LRRC52: variants seen among roughly 807,000 people sequenced by gnomAD.
The protein encoded by LRRC52 is leucine-rich repeat-containing protein 52.
In LRRC52, 15 loss-of-function variants were observed where a neutral mutation model predicts 14.7. That is an observed-to-expected ratio of 1.02 (90% CI 0.68 to 1.58). The LOEUF is 1.58. Ranked by LOEUF, LRRC52 falls within the 40% of genes most tolerant of loss-of-function variation. The probability of loss-of-function intolerance (pLI) is 0.00; values close to 1 mark genes in which losing one functional copy is unlikely to be tolerated. For missense variants in LRRC52, 400 were observed against 387.7 expected, an observed-to-expected ratio of 1.03 and a Z score of -0.27; for synonymous variants, 180 against 163.9, an observed-to-expected ratio of 1.10 and a Z score of -0.75.
intron 1 of LRRC52, among the ~76,000 whole-genome samples, chr1:165,546,896 T>C (rs1319386914): frequency 6.6e-6 from 1 of 152,320 alleles, no homozygotes; most frequent in East Asian, 1.9e-4. Context: ...GAAAGGAGTG[T>C]CTATCTTGTC....
chr1:165,552,904 T>C (rs1661162460), intron 1 of LRRC52, among the ~76,000 whole-genome samples: 1 of 152,024 alleles, frequency 6.6e-6, no homozygotes, highest in Non-Finnish European at 1.5e-5. Flanking sequence ...GCTTGGACAG[T>C]GTGGGGGCTT....
At chr1:165,544,966 C>A in intron 1 of LRRC52, 48 bp downstream of exon 1, 1 of 1,591,462 alleles carries the variant, frequency 6.3e-7, no homozygotes, top group South Asian at 1.1e-5. Context: ...TGAAGTGGCT[C>A]CAGAAAAGGT....
At chr1:165,553,323 G>A (rs1661172387) in intron 1 of LRRC52, among the ~76,000 whole-genome samples, 1 of 152,200 alleles carries the variant, frequency 6.6e-6, no homozygotes, top group South Asian at 2.1e-4. Flanking sequence ...GGTCAGATAA[G>A]GACAGAAAAC....
intron 1 of LRRC52, among the ~76,000 whole-genome samples, chr1:165,555,750 T>G (rs762860187): frequency 1.1e-4 from 17 of 152,202 alleles, no homozygotes; most frequent in Non-Finnish European, 2.2e-4. Context: ...GAACATGTAA[T>G]GTGAAAGAGG....
rs567705577 is a variant in LRRC52, at chr1:165,562,992, A to T, written c.623-513A>T. Among the ~76,000 whole-genome samples, 54 of 152,152 alleles carry T rather than the reference A, an allele frequency of 3.5e-4. 1 individual carries two copies. The highest frequency in any genetic ancestry group is 2.1e-3 in the South Asian group (10 of 4,826). On this transcript the variant is annotated intron_variant, in intron 1 of 1. Transcript: ENST00000294818. ...GAGTGGCTTGCAATGCTCTCGGGGG[A>T]TGCTAGTGATGCCAGGTTGGACTCA...
At position 165,544,731 on chromosome 1, in the gene LRRC52, CT is replaced by C. The variant is rs779725762; in HGVS notation, c.438del (p.Phe146LeufsTer7). 1 of 1,614,096 alleles carries C rather than the reference CT, an allele frequency of 6.2e-7. No homozygotes were observed. Among genetic ancestry groups the C allele is most frequent in the Non-Finnish European group, 8.5e-7 (1 of 1,180,034 alleles). The stretch of plus-strand genomic sequence containing the variant: ...ACCTGTTATCGCTTCACAAGTTCAC[CT>C]TTGCCAACACCACCTCTTTGAGGTA... ...PHLLSLHKFT[F>X]ANTTSLRYLD... On this transcript the variant is annotated frameshift_variant, in exon 1 of 2. Coordinates refer to ENST00000294818, the MANE Select transcript of LRRC52 (RefSeq NM_001005214.4). LOFTEE classifies it high-confidence loss of function.
In LRRC52 at chr1:165,563,362, G is replaced by T. The variant is rs1309562030; in HGVS notation, c.623-143G>T. ...CCTGAGATTCTGCATTTCTAACAAG[G>T]TCCAGGTGATGTCGATGCTGCTGGC... On this transcript the variant is annotated intron_variant, in intron 1 of 1. Transcript: ENST00000294818. 1.0e-5 allele frequency: 7 copies of T among 678,404 alleles called. No individual in the cohort carries two copies. In the East Asian group the frequency reaches 1.6e-4, roughly 16 times the overall value. 42.0% of individuals were successfully genotyped at this position (678,404 alleles called of 1,614,324 possible).
intron 1 of LRRC52, among the ~76,000 whole-genome samples, chr1:165,550,465 A>C (rs1325958967): frequency 6.6e-6 from 1 of 152,210 alleles, no homozygotes; most frequent in Non-Finnish European, 1.5e-5. Flanking sequence ...ATTTTATTTC[A>C]ATACATTTAA....
Position 165,544,755 on chromosome 1 carries a change from GTACC to G in LRRC52, c.461_464del (p.Tyr154TrpfsTer27). The G allele has an allele frequency of 6.2e-7, 1 of 1,613,908 alleles. No individual in the cohort carries two copies. The highest frequency in any genetic ancestry group is 8.5e-7 in the Non-Finnish European group (1 of 1,179,986). ...CCTTTGCCAACACCACCTCTTTGAG[GTACC>G]TGGACCTCAGAAATACCGGCTTGCA... On this transcript the variant is annotated frameshift_variant, in exon 1 of 2. Transcript: ENST00000294818. LOFTEE classifies it high-confidence loss of function.
intron 1 of LRRC52, among the ~76,000 whole-genome samples, chr1:165,547,249 C>T (rs1459095911): frequency 6.6e-6 from 1 of 152,178 alleles, no homozygotes; most frequent in Non-Finnish European, 1.5e-5. Context: ...ACTATACTAT[C>T]TCGTAAATCC....
rs923462486 is a variant in LRRC52, at chr1:165,556,397, A to T, written c.623-7108A>T. Among the ~76,000 whole-genome samples the T allele has an allele frequency of 3.3e-5, 5 of 152,220 alleles. No homozygotes were observed. In the East Asian group the frequency reaches 5.8e-4, roughly 18 times the overall value. The stretch of plus-strand genomic sequence containing the variant: ...TAGACTCTATATACAAGGGGGGGAA[A>T]TTGTGAATACCAGATAAGAATTATA... On this transcript the variant is annotated intron_variant, in intron 1 of 1. Coordinates refer to ENST00000294818, the MANE Select transcript of LRRC52 (RefSeq NM_001005214.4).
chr1:165,563,168 G>A (rs147233822), intron 1 of LRRC52, among the ~76,000 whole-genome samples: 1 of 152,258 alleles, frequency 6.6e-6, no homozygotes, highest in Non-Finnish European at 1.5e-5. Flanking sequence ...CCCTGTTGTG[G>A]CCTCTCCTTC....
At chr1:165,545,064 T>A (rs575843103) in intron 1 of LRRC52, 146 bp downstream of exon 1, 1 of 1,024,164 alleles carries the variant, frequency 9.8e-7, no homozygotes, top group Non-Finnish European at 1.4e-6. Flanking sequence ...CACCCTTGGG[T>A]TGACTGGAGT....
intron 1 of LRRC52, among the ~76,000 whole-genome samples, chr1:165,557,170 T>C (rs760386182): frequency 5.3e-5 from 8 of 152,170 alleles, no homozygotes; most frequent in Non-Finnish European, 1.2e-4. Flanking sequence ...TCTGCAGCAG[T>C]TTGTCCTCAT....
chr1:165,550,436 T>A (rs1054540001), intron 1 of LRRC52, among the ~76,000 whole-genome samples: 11 of 152,318 alleles, frequency 7.2e-5, no homozygotes, highest in Middle Eastern at 6.8e-3. Flanking sequence ...CTAGAACAAA[T>A]GAACTGAATT....
chr1:165,561,407 T>A (rs1661339457), intron 1 of LRRC52, among the ~76,000 whole-genome samples: 1 of 152,200 alleles, frequency 6.6e-6, no homozygotes, highest in Admixed American at 6.5e-5. Flanking sequence ...TTTGGGCAGG[T>A]GACCTGAGCT....
In LRRC52 at chr1:165,544,679, T is replaced by G; in HGVS notation, c.383T>G (p.Val128Gly). ...PFTFSVLSNL[V>G]QLNIANNPHL... ...ACTTTCTCGGTGCTCAGCAACCTGG[T>G]GCAGCTGAACATTGCCAACAACCCT... The change falls in exon 1 of 2, where the codon GTG becomes GGG. Residue 128 changes from valine to glycine, a missense_variant. Val to Gly is a moderately radical substitution (Grantham distance 109). Coordinates refer to ENST00000294818, the MANE Select transcript of LRRC52 (RefSeq NM_001005214.4). The G allele has an allele frequency of 2.5e-6, 4 of 1,614,112 alleles. No individual in the cohort carries two copies. Among genetic ancestry groups the G allele is most frequent in the Non-Finnish European group, 3.4e-6 (4 of 1,180,026 alleles).
intron 1 of LRRC52, among the ~76,000 whole-genome samples, chr1:165,559,905 C>A (rs1661308914): frequency 6.6e-6 from 1 of 152,154 alleles, no homozygotes; most frequent in South Asian, 2.1e-4. Flanking sequence ...GTGGCTGGAG[C>A]CTATCTTGGC....
At chr1:165,551,908 G>A (rs963066394) in intron 1 of LRRC52, among the ~76,000 whole-genome samples, 20 of 150,228 alleles carry the variant, frequency 1.3e-4, no homozygotes, top group African/African-American at 4.4e-4. Context: ...AGGTCCTCAC[G>A]TTATTCCACT....
Sources: allele counts gnomAD v4.1 joint callset (sites outside exome capture counted in the v4.1 genomes callset), GRCh38; gene constraint gnomAD v4.1.1; transcripts MANE v1.5; gene names NCBI Gene and HGNC (gene_info 2026-07-23, HGNC 2026-07-21).